The following MGST1 variants were observed in gnomAD, a reference collection of about 807,000 sequenced individuals.
MGST1 encodes glutathione S-transferase 12.
In MGST1, 5 loss-of-function variants were observed where a neutral mutation model predicts 8.9. The ratio of observed to expected loss-of-function variants is 0.56; its 90% CI spans 0.29 to 1.19. The LOEUF is 1.19. Among genes scored for constraint, MGST1 ranks in the 50% most tolerant of loss-of-function variants. The pLI is 0.08. For missense variants in MGST1, 182 were observed against 187.4 expected (o/e 0.97, Z 0.17); for synonymous variants, 54 against 67.8 (o/e 0.80, Z 1.00).
At chr12:16,423,023 T>A (rs999297102) in intron 1 of MGST1, among the ~76,000 whole-genome samples, 1 of 152,166 alleles carries the variant, frequency 6.6e-6, no homozygotes, top group Non-Finnish European at 1.5e-5. Flanking sequence ...AGCCTTCTTT[T>A]CCCCTGACTC....
At chr12:16,393,222 T>C (rs772865527) in intron 1 of MGST1, among the ~76,000 whole-genome samples, 3 of 152,246 alleles carry the variant, frequency 2.0e-5, no homozygotes, top group South Asian at 2.1e-4. Context: ...TTTTGCTTCC[T>C]TAGCTTCACA....
intron 4 of MGST1, among the ~76,000 whole-genome samples, chr12:16,506,002 T>A (rs1941535985): frequency 1.3e-5 from 2 of 152,224 alleles, no homozygotes; most frequent in African/African-American, 4.8e-5. Context: ...AACATTTAAA[T>A]TTTTTAAGTA....
At position 16,560,322 on chromosome 12, in the gene MGST1, T is replaced by C. The variant is rs1942354300; in HGVS notation, n.483-29206T>C. The C allele has an allele frequency of 1.4e-6, 2 of 1,381,628 alleles. No individual in the cohort carries two copies. The highest frequency in any genetic ancestry group is 1.5e-5 in the African/African-American group (1 of 68,912). 85.6% of individuals were successfully genotyped at this position (1,381,628 alleles called of 1,614,324 possible). A position where few individuals can be genotyped will look rare whatever the true frequency, so the allele number is the denominator to read the frequency against. On this transcript the variant is annotated intron_variant and non_coding_transcript_variant, in intron 4 of 4. Transcript: ENST00000538857. The surrounding 1 kb of genome is among the most constrained non-coding windows in gnomAD (Gnocchi z 5.0). The stretch of plus-strand genomic sequence containing the variant: ...AGAAAAACGCTGAGATTGATTGCTT[T>C]AAATGTATGAATATAATTTCCACCT...
intron 1 of MGST1, among the ~76,000 whole-genome samples, chr12:16,432,332 A>G (rs753282070): frequency 6.6e-6 from 1 of 152,126 alleles, no homozygotes; most frequent in Non-Finnish European, 1.5e-5. Context: ...TCTCTTTGAA[A>G]GGAGTACCAC....
chr12:16,437,900 A>G (rs1439340972), exon 2 of MGST1: 1 of 151,950 alleles, frequency 6.6e-6, no homozygotes, highest in Non-Finnish European at 1.5e-5. Context: ...CAAGTATTTT[A>G]AAGTATTCCT....
intron 4 of MGST1, chr12:16,550,555 G>A (rs1034723184): frequency 6.6e-6 from 1 of 152,332 alleles, no homozygotes; most frequent in African/African-American, 2.4e-5. Context: ...AAATTTTTAT[G>A]TATTTTTTTA....
chr12:16,348,784 C>T (rs956455178), intron 1 of MGST1: 1 of 130,966 alleles, frequency 7.6e-6, no homozygotes, highest in Non-Finnish European at 1.6e-5. Context: ...GCTATGTGTG[C>T]GATTATCTTT....
chr12:16,403,750 G>T (rs1940678422), intron 1 of MGST1, among the ~76,000 whole-genome samples: 1 of 152,084 alleles, frequency 6.6e-6, no homozygotes, highest in African/African-American at 2.4e-5. Context: ...AGGTGAAGGG[G>T]AAGCAAGGCA....
intron 4 of MGST1, among the ~76,000 whole-genome samples, chr12:16,519,859 C>G (rs1489405825): frequency 6.6e-6 from 1 of 152,150 alleles, no homozygotes; most frequent in Non-Finnish European, 1.5e-5. Flanking sequence ...CCATCATTCT[C>G]TAAGCCAGAT....
chr12:16,394,530 CT>C lies in MGST1; in HGVS notation n.778+10929del, dbSNP rs1252125167. Reference sequence around the variant, plus strand: ...TTTCTCTCCCTTTCTTTCTTTCTTTCTTTCTTTCTTTCTTTCTTTCTTTCTT... The same window carrying C: ...TTTCTCTCCCTTTCTTTCTTTCTTTCTTCTTTCTTTCTTTCTTTCTTTCTT... On this transcript the variant is annotated intron_variant and non_coding_transcript_variant, in intron 1 of 1. Transcript: ENST00000359720. Among the ~76,000 whole-genome samples the C allele has an allele frequency of 8.7e-5, 3 of 34,482 alleles. 1 individual carries two copies. Among genetic ancestry groups the C allele is most frequent in the Non-Finnish European group, 1.3e-4 (2 of 15,238 alleles). 22.6% of individuals were successfully genotyped at this position (34,482 alleles called of 152,430 possible).
chr12:16,359,722 C>G (rs1433344945), intron 3 of MGST1, among the ~76,000 whole-genome samples: 2 of 152,182 alleles, frequency 1.3e-5, no homozygotes. Flanking sequence ...CAGGCAGCCG[C>G]CTGCATGATG....
chr12:16,446,746 T>C (rs1466833700), intron 4 of MGST1, among the ~76,000 whole-genome samples: 1 of 151,840 alleles, frequency 6.6e-6, no homozygotes, highest in African/African-American at 2.4e-5. Flanking sequence ...AAGCCCCAAG[T>C]GGTGGCTTGG....
chr12:16,349,808 G>T (rs574225725), intron 1 of MGST1, among the ~76,000 whole-genome samples: 1 of 145,504 alleles, frequency 6.9e-6, no homozygotes, highest in African/African-American at 2.6e-5. Context: ...GCAGTGGCAC[G>T]ATCTCAGCTC....
chr12:16,538,677 C>T (rs1030693142), intron 4 of MGST1, among the ~76,000 whole-genome samples: 4 of 148,846 alleles, frequency 2.7e-5, no homozygotes, highest in African/African-American at 5.0e-5. Context: ...GGCGAGATCT[C>T]GGCTCACTGC....
downstream of MGST1, among the ~76,000 whole-genome samples, chr12:16,380,260 C>T (rs540205747): frequency 9.4e-3 from 1,409 of 150,386 alleles, 14 homozygotes; most frequent in Non-Finnish European, 0.014. Flanking sequence ...GTCTTTCCTG[C>T]TTTCTCTTGT....
intron 3 of MGST1, among the ~76,000 whole-genome samples, chr12:16,371,272 GATAAA>G (rs998942290): frequency 5.9e-5 from 9 of 151,976 alleles, no homozygotes; most frequent in East Asian, 1.9e-4. Flanking sequence ...AATGTGTACA[GATAAA>G]ATAAAAGAAA....
intron 1 of MGST1, among the ~76,000 whole-genome samples, chr12:16,384,051 T>C (rs1207169074): frequency 6.6e-6 from 1 of 152,060 alleles, no homozygotes; most frequent in Non-Finnish European, 1.5e-5. Flanking sequence ...GAATTCTTCA[T>C]TGAAAAGGGA....
intron 4 of MGST1, among the ~76,000 whole-genome samples, chr12:16,534,716 A>C (rs1482609306): frequency 1.3e-5 from 2 of 152,178 alleles, no homozygotes; most frequent in Admixed American, 6.5e-5. Context: ...AAAATGTGAG[A>C]TAGTGCTAGG....
chr12:16,583,134 A>C (rs144743083), intron 4 of MGST1, among the ~76,000 whole-genome samples: 1 of 152,188 alleles, frequency 6.6e-6, no homozygotes, highest in Non-Finnish European at 1.5e-5. Flanking sequence ...GATCAACACT[A>C]TTAAAAGAGA....
Sources: allele counts gnomAD v4.1 joint callset (sites outside exome capture counted in the v4.1 genomes callset), GRCh38; gene constraint gnomAD v4.1.1; non-coding constraint Gnocchi (gnomAD v3.1); transcripts MANE v1.5; gene names NCBI Gene and HGNC (gene_info 2026-07-23, HGNC 2026-07-21).